Variants in FGF13 observed in about 807,000 individuals in gnomAD.
FGF13 encodes fibroblast growth factor 13.
In FGF13, 2 loss-of-function variants were observed where a neutral mutation model predicts 19.5. The ratio of observed to expected loss-of-function variants is 0.10; its 90% confidence interval spans 0.04 to 0.32. FGF13 has a LOEUF of 0.32. Among genes scored for constraint, FGF13 ranks in the 10% least tolerant of loss-of-function variants. The probability of loss-of-function intolerance (pLI) is 1.00; values close to 1 mark genes in which losing one functional copy is unlikely to be tolerated. For synonymous variants in FGF13, 72 were observed against 76.9 expected (o/e 0.94, Z 0.33); for missense variants, 113 against 192.7 (o/e 0.59, Z 2.45).
chrX:139,009,914 C>T (rs1468183576), intron 1 of FGF13, among the ~76,000 whole-genome samples: 1 of 111,486 alleles, frequency 9.0e-6, no homozygotes, highest in Non-Finnish European at 1.9e-5. Context: ...AGGAGACTCA[C>T]CTAACACGTA....
intron 3 of FGF13, among the ~76,000 whole-genome samples, chrX:138,701,373 AAATCC>A (rs1164235466): frequency 8.9e-6 from 1 of 112,284 alleles, no homozygotes; most frequent in Non-Finnish European, 1.9e-5. Flanking sequence ...AAATTACTTA[AAATCC>A]TTCATTATTA....
chrX:138,702,343 T>C (rs2089955281), intron 3 of FGF13, among the ~76,000 whole-genome samples: 1 of 111,929 alleles, frequency 8.9e-6, no homozygotes, highest in South Asian at 3.7e-4. Flanking sequence ...TTTTAAAGTT[T>C]AATTTGGCCC....
rs1457631025 is a variant in FGF13 at position 138,626,383 on chromosome X, G to A, written c.*6467C>T. On this transcript the variant is annotated 3_prime_UTR_variant, in exon 5 of 5. Transcript: ENST00000315930. ...GTTCTGTTTTGTTTTATGTGACACAGAGCGTCTACACTTCCCTTCTGGCTG... is the reference window on the plus strand; with the variant it reads ...GTTCTGTTTTGTTTTATGTGACACAAAGCGTCTACACTTCCCTTCTGGCTG... 1 of 112,125 alleles carries A rather than the reference G, an allele frequency of 8.9e-6. No homozygotes were observed. Among genetic ancestry groups the A allele is most frequent in the Non-Finnish European group, 1.9e-5 (1 of 53,204 alleles). 9.2% of individuals were successfully genotyped at this position (112,125 alleles called of 1,213,427 possible). A position where few individuals can be genotyped will look rare whatever the true frequency, so the allele number is the denominator to read the frequency against.
chrX:139,032,732 C>G, intron 1 of FGF13, among the ~76,000 whole-genome samples: 1 of 110,454 alleles, frequency 9.1e-6, no homozygotes. Flanking sequence ...AATGTATGCA[C>G]TTTCCAGCTC....
chrX:138,690,118 T>C (rs2089824229), intron 3 of FGF13, among the ~76,000 whole-genome samples: 1 of 111,752 alleles, frequency 8.9e-6, no homozygotes, highest in South Asian at 3.8e-4. Flanking sequence ...TTATTGCTTC[T>C]AGTGTTAACC....
At chrX:138,823,283 C>T (rs1304094091) in intron 3 of FGF13, among the ~76,000 whole-genome samples, 1 of 111,120 alleles carries the variant, frequency 9.0e-6, no homozygotes, top group Non-Finnish European at 1.9e-5. Context: ...GACTCCAGCC[C>T]GCCTGCGCAC....
At chrX:138,772,434 G>A (rs1034314729) in intron 3 of FGF13, among the ~76,000 whole-genome samples, 3 of 110,226 alleles carry the variant, frequency 2.7e-5, no homozygotes, top group Non-Finnish European at 3.8e-5. Flanking sequence ...CCTCAAGGCT[G>A]TGTTTGTGCT....
chrX:138,804,142 A>C (rs2090849337), intron 3 of FGF13, among the ~76,000 whole-genome samples: 1 of 111,659 alleles, frequency 9.0e-6, no homozygotes, highest in Non-Finnish European at 1.9e-5. Context: ...CTTTGCTCCC[A>C]CAGAATTTAC....
chrX:138,996,213 A>T (rs989257946), intron 1 of FGF13, among the ~76,000 whole-genome samples: 4 of 112,449 alleles, frequency 3.6e-5, no homozygotes, highest in Admixed American at 9.4e-5. Context: ...GGGCAAGCCG[A>T]TGCAGGGCAC....
chrX:138,912,050 A>G (rs2091590813), intron 1 of FGF13, among the ~76,000 whole-genome samples: 1 of 111,463 alleles, frequency 9.0e-6, no homozygotes, highest in Non-Finnish European at 1.9e-5. Context: ...GTAGCATGGC[A>G]CATTTTATAA....
At chrX:139,199,177 T>C (rs1384910137) in intron 1 of FGF13, among the ~76,000 whole-genome samples, 2 of 112,319 alleles carry the variant, frequency 1.8e-5, no homozygotes, top group African/African-American at 3.2e-5. Flanking sequence ...TATGCAGACA[T>C]TTGTGTTCTG....
chrX:138,720,871 A>AT (rs2090142242), intron 1 of FGF13, among the ~76,000 whole-genome samples: 1 of 112,089 alleles, frequency 8.9e-6, no homozygotes, highest in Non-Finnish European at 1.9e-5. Context: ...AAAACCTTAG[A>AT]TTTTTATATC....
chrX:138,767,013 A>T (rs934425578), intron 3 of FGF13, among the ~76,000 whole-genome samples: 1 of 112,005 alleles, frequency 8.9e-6, no homozygotes, highest in Non-Finnish European at 1.9e-5. Flanking sequence ...TCACCAGAGC[A>T]TCCATGCCCA....
intron 1 of FGF13, among the ~76,000 whole-genome samples, chrX:138,868,928 G>A (rs761086783): frequency 2.7e-5 from 3 of 110,755 alleles, no homozygotes; most frequent in Admixed American, 9.7e-5. Flanking sequence ...TCAGTTGACC[G>A]CTAGGAATTC....
At chrX:138,938,888 A>G (rs1238926956) in intron 1 of FGF13, among the ~76,000 whole-genome samples, 1 of 111,066 alleles carries the variant, frequency 9.0e-6, no homozygotes, top group Non-Finnish European at 1.9e-5. Flanking sequence ...GCAGAGCACA[A>G]TGCAGTTTTT....
At chrX:139,023,334 A>G (rs2092185607) in intron 1 of FGF13, among the ~76,000 whole-genome samples, 1 of 111,642 alleles carries the variant, frequency 9.0e-6, no homozygotes, top group African/African-American at 3.2e-5. Flanking sequence ...CACATATCAC[A>G]GAATATCATT....
At chrX:138,991,304 G>T (rs1429541417) in intron 1 of FGF13, among the ~76,000 whole-genome samples, 2 of 112,131 alleles carry the variant, frequency 1.8e-5, no homozygotes, top group Non-Finnish European at 3.8e-5. Context: ...GGGAACCCTT[G>T]CACCCTTTGA....
intron 3 of FGF13, among the ~76,000 whole-genome samples, chrX:138,763,383 C>T (rs999694917): frequency 3.6e-5 from 4 of 111,353 alleles, no homozygotes; most frequent in Non-Finnish European, 7.5e-5. Flanking sequence ...TATGTCCTTG[C>T]TGGTTTGGGG....
intron 1 of FGF13, among the ~76,000 whole-genome samples, chrX:139,181,047 G>A (rs7049479): frequency 0.04 from 4,468 of 111,970 alleles, 186 homozygotes; most frequent in African/African-American, 0.13. Flanking sequence ...AAGACAAACC[G>A]ATTCATTTGC....
Sources: allele counts gnomAD v4.1 joint callset (sites outside exome capture counted in the v4.1 genomes callset), GRCh38; gene constraint gnomAD v4.1.1; transcripts MANE v1.5; gene names NCBI Gene and HGNC (gene_info 2026-07-23, HGNC 2026-07-21).